Variants in PTPRF observed in about 807,000 individuals in gnomAD.
PTPRF encodes protein tyrosine phosphatase receptor type F, also known as receptor-type tyrosine-protein phosphatase F.
In PTPRF, 59 loss-of-function variants were observed where a neutral mutation model predicts 201.8. The ratio of observed to expected loss-of-function variants is 0.29; its 90% confidence interval spans 0.24 to 0.36. The LOEUF is 0.36. Ranked by LOEUF, PTPRF falls within the 10% of genes least tolerant of loss-of-function variation. PTPRF has a pLI of 1.00. For missense variants in PTPRF, 2,132 were observed against 2,690.5 expected (o/e 0.79, Z 4.59); for synonymous variants, 1,088 against 1,089.7 (o/e 1.00, Z 0.03).
chr1:43,598,997 T>C, intron 13 of PTPRF, 84 bp downstream of exon 13: 1 of 1,426,470 alleles, frequency 7.0e-7, no homozygotes, highest in Non-Finnish European at 9.6e-7. Flanking sequence ...GATATGTCCC[T>C]CTTCCCCTGC....
In PTPRF at chr1:43,605,005, G is replaced by A; in HGVS notation, c.3135+5G>A. The A allele has an allele frequency of 1.9e-6, 3 of 1,613,358 alleles. No individual in the cohort carries two copies. Among genetic ancestry groups the A allele is most frequent in the Non-Finnish European group, 2.5e-6 (3 of 1,179,468 alleles). On this transcript the variant is annotated splice_donor_5th_base_variant and intron_variant, in intron 17 of 33. Transcript: ENST00000359947. ...AAGTCAGCTGTGCCCTTTAAGGTGA[G>A]TAAGGGCCACGGCCAGCTGAGCCTG... is the stretch of plus-strand genomic sequence containing the variant.
At chr1:43,593,327 T>G (rs944723053) in intron 11 of PTPRF, among the ~76,000 whole-genome samples, 2 of 152,098 alleles carry the variant, frequency 1.3e-5, no homozygotes, top group African/African-American at 4.8e-5. Flanking sequence ...CATCAGTGGA[T>G]CTTGGGCATG....
In PTPRF at chr1:43,619,537, A is replaced by G. The variant is rs755612217; in HGVS notation, c.4896A>G (p.Pro1632=). 1.2e-6 allele frequency: 2 copies of G among 1,613,794 alleles called. No homozygotes were observed. The highest frequency in any genetic ancestry group is 1.7e-6 in the Non-Finnish European group (2 of 1,179,836). Residue 1632 remains proline, a synonymous_variant, in exon 28 of 34, where the codon CCA becomes CCG. Coordinates refer to ENST00000359947, the MANE Select transcript of PTPRF (RefSeq NM_002840.5). Reference sequence around the variant, plus strand: ...TCCAGAAGCTGGGCCAAGTGCCTCCAGGGGAGAGTGTGACCGCCATGGAGC... The same window carrying G: ...TCCAGAAGCTGGGCCAAGTGCCTCCGGGGGAGAGTGTGACCGCCATGGAGC... The part of the protein sequence containing the change: ...AHIQKLGQVP[P]GESVTAMELE...
At chr1:43,558,239 G>C (rs540126084) in intron 5 of PTPRF, among the ~76,000 whole-genome samples, 1 of 152,282 alleles carries the variant, frequency 6.6e-6, no homozygotes, top group East Asian at 1.9e-4. Context: ...GCTGAGGGCT[G>C]TCTGGGGTGA....
intron 6 of PTPRF, among the ~76,000 whole-genome samples, chr1:43,570,071 G>A (rs1254293360): frequency 1.3e-5 from 2 of 152,314 alleles, no homozygotes; most frequent in East Asian, 1.9e-4. Context: ...CTCTATGGAT[G>A]TTCACCCTCC....
At chr1:43,531,642 C>G (rs1643539334) in intron 1 of PTPRF, among the ~76,000 whole-genome samples, 1 of 150,808 alleles carries the variant, frequency 6.6e-6, no homozygotes, top group African/African-American at 2.4e-5. Flanking sequence ...CGTGCGGTCC[C>G]GGGCTGCGCC....
intron 19 of PTPRF, among the ~76,000 whole-genome samples, chr1:43,605,939 G>A (rs1423824212): frequency 6.6e-6 from 1 of 152,224 alleles, no homozygotes; most frequent in African/African-American, 2.4e-5. Flanking sequence ...GGCTTAGTGA[G>A]CCTTATAGCC....
chr1:43,527,192 GC>G (rs1385356810), upstream of PTPRF, among the ~76,000 whole-genome samples: 1 of 152,212 alleles, frequency 6.6e-6, no homozygotes, highest in African/African-American at 2.4e-5. Flanking sequence ...GCACCCTGGG[GC>G]TGGAACACAG....
intron 11 of PTPRF, among the ~76,000 whole-genome samples, chr1:43,596,498 C>CA (rs1652302125): frequency 6.6e-6 from 1 of 152,154 alleles, no homozygotes; most frequent in African/African-American, 2.4e-5. Flanking sequence ...CACAAGGAGA[C>CA]ACGTGTCTGC....
chr1:43,611,857 G>A (rs1419510552), intron 22 of PTPRF, among the ~76,000 whole-genome samples: 2 of 152,126 alleles, frequency 1.3e-5, no homozygotes, highest in African/African-American at 4.8e-5. Flanking sequence ...GGGGTGTCCT[G>A]GGGCTGGTGG....
intron 5 of PTPRF, among the ~76,000 whole-genome samples, chr1:43,567,379 T>A (rs983349064): frequency 4.6e-5 from 7 of 152,206 alleles, no homozygotes; most frequent in African/African-American, 9.7e-5. Context: ...ATTTTACTTT[T>A]AAAAATCTGA....
rs925650826 is a variant in PTPRF, at chr1:43,605,007, A to T, written c.3135+7A>T. ...GTCAGCTGTGCCCTTTAAGGTGAGT[A>T]AGGGCCACGGCCAGCTGAGCCTGGC... On this transcript the variant is annotated splice_region_variant and intron_variant, in intron 17 of 33. Coordinates refer to ENST00000359947, the MANE Select transcript of PTPRF (RefSeq NM_002840.5). 46 of 1,613,158 alleles carry T rather than the reference A, an allele frequency of 2.9e-5. No homozygotes were observed. Among genetic ancestry groups the T allele is most frequent in the Non-Finnish European group, 3.9e-5 (46 of 1,179,324 alleles).
intron 23 of PTPRF, among the ~76,000 whole-genome samples, chr1:43,614,712 G>A (rs1321169660): frequency 6.6e-6 from 1 of 152,150 alleles, no homozygotes; most frequent in Non-Finnish European, 1.5e-5. Context: ...TTAGCCAGCT[G>A]TGGTGGCACA....
At chr1:43,589,867 G>GAA (rs57041655) in intron 8 of PTPRF, among the ~76,000 whole-genome samples, 2 of 139,136 alleles carry the variant, frequency 1.4e-5, no homozygotes, top group Non-Finnish European at 3.2e-5. Context: ...GAGACCCTAT[G>GAA]AAAAAAAAAA....
chr1:43,608,241 C>T lies in PTPRF; in HGVS notation c.3858-1142C>T, dbSNP rs551500366. Among the ~76,000 whole-genome samples, 104 of 152,318 alleles carry T rather than the reference C, an allele frequency of 6.8e-4. No individual in the cohort carries two copies. In the Middle Eastern group the frequency reaches 0.017, roughly 25 times the overall value. On this transcript the variant is annotated intron_variant, in intron 21 of 33. Transcript: ENST00000359947. ...GTGCCATATAAGGGGCCTGCAGGGT[C>T]CCCATGTCATTAGAGGGCTGAGTGC...
chr1:43,524,736 G>A (rs1643047817), upstream of PTPRF, among the ~76,000 whole-genome samples: 1 of 152,134 alleles, frequency 6.6e-6, no homozygotes, highest in African/African-American at 2.4e-5. Flanking sequence ...GAGGGCAGAT[G>A]TGGGGAGGTG....
chr1:43,534,515 A>G (rs1643888226), intron 1 of PTPRF, among the ~76,000 whole-genome samples: 1 of 152,152 alleles, frequency 6.6e-6, no homozygotes, highest in African/African-American at 2.4e-5. Context: ...GGAGAGGAAG[A>G]GGAAGGAGTC....
chr1:43,602,162 C>G, intron 14 of PTPRF, 65 bp downstream of exon 14: 1 of 1,537,114 alleles, frequency 6.5e-7, no homozygotes, highest in Non-Finnish European at 9.0e-7. Flanking sequence ...GACGCTCCTC[C>G]TCTCCCTCCT....
At chr1:43,540,733 G>C (rs974783006) in intron 2 of PTPRF, among the ~76,000 whole-genome samples, 7 of 152,352 alleles carry the variant, frequency 4.6e-5, no homozygotes, top group Admixed American at 3.3e-4. Flanking sequence ...GCCGTGGGAG[G>C]GAGGGCTGTT....
Sources: gnomAD v4.1 joint callset for allele counts (sites outside exome capture counted in the v4.1 genomes callset) on GRCh38, gnomAD v4.1.1 for gene constraint, MANE v1.5 for transcripts, NCBI Gene and HGNC (gene_info 2026-07-23, HGNC 2026-07-21) for gene names.